PPP1R16B: variants seen among roughly 807,000 people sequenced by gnomAD.
PPP1R16B encodes protein phosphatase 1 regulatory inhibitor subunit 16B.
In PPP1R16B, 14 loss-of-function variants were observed where a neutral mutation model predicts 61.7. The observed-to-expected ratio is 0.23, with a 90% confidence interval of 0.15 to 0.35. The LOEUF is 0.35. PPP1R16B is among the 10% of genes least tolerant of loss of function. The pLI is 1.00. For missense variants in PPP1R16B, 547 were observed against 752.5 expected, an observed-to-expected ratio of 0.73 and a Z score of 3.19; for synonymous variants, 266 against 305.3, an observed-to-expected ratio of 0.87 and a Z score of 1.34.
chr20:38,901,657 G>A (rs937942762), intron 5 of PPP1R16B, among the ~76,000 whole-genome samples: 3 of 152,176 alleles, frequency 2.0e-5, no homozygotes, highest in Non-Finnish European at 4.4e-5. Context: ...TGATCTGCCT[G>A]CCTCAGCCTC....
At chr20:38,912,873 T>G (rs757264786) in intron 10 of PPP1R16B, among the ~76,000 whole-genome samples, 47 of 152,164 alleles carry the variant, frequency 3.1e-4, no homozygotes, top group Non-Finnish European at 5.9e-4. Flanking sequence ...TGTTTTTGTT[T>G]TTTTCCTCTG....
At chr20:38,808,674 G>T (rs568464407) in intron 1 of PPP1R16B, among the ~76,000 whole-genome samples, 1 of 152,244 alleles carries the variant, frequency 6.6e-6, no homozygotes, top group South Asian at 2.1e-4. Flanking sequence ...TGTAAAATAG[G>T]TATCACAGTA....
Position 38,920,032 on chromosome 20 carries a change from C to G in PPP1R16B, c.*1366C>G, listed in dbSNP as rs1488564622. Reference sequence around the variant, plus strand: ...TGGTGATGCCCCAAGTCTGCGAATCCAGGGTGCACGTGGTCAATATCCCCT... The same window carrying G: ...TGGTGATGCCCCAAGTCTGCGAATCGAGGGTGCACGTGGTCAATATCCCCT... On this transcript the variant is annotated 3_prime_UTR_variant, in exon 11 of 11. Transcript: ENST00000299824. The G allele has an allele frequency of 4.6e-5, 7 of 152,300 alleles. No homozygotes were observed. Among genetic ancestry groups the G allele is most frequent in the Non-Finnish European group, 7.3e-5 (5 of 68,094 alleles). 9.4% of individuals were successfully genotyped at this position (152,300 alleles called of 1,614,324 possible).
At chr20:38,851,902 G>A (rs1291457252) in intron 2 of PPP1R16B, among the ~76,000 whole-genome samples, 1 of 152,222 alleles carries the variant, frequency 6.6e-6, no homozygotes, top group African/African-American at 2.4e-5. Context: ...GCATGGTGGT[G>A]TGGGCCTGTA....
At chr20:38,865,446 C>T (rs773847878) in intron 2 of PPP1R16B, among the ~76,000 whole-genome samples, 1 of 152,072 alleles carries the variant, frequency 6.6e-6, no homozygotes, top group African/African-American at 2.4e-5. Context: ...CCCGCCACCA[C>T]GGCCGGCTAA....
At chr20:38,816,715 C>T (rs971499718) in intron 1 of PPP1R16B, among the ~76,000 whole-genome samples, 6 of 152,194 alleles carry the variant, frequency 3.9e-5, no homozygotes, top group African/African-American at 1.4e-4. Context: ...GTGGAATGAA[C>T]CTAACCATTG....
chr20:38,830,477 T>C (rs989779441), intron 1 of PPP1R16B, among the ~76,000 whole-genome samples: 2 of 152,208 alleles, frequency 1.3e-5, no homozygotes, highest in Admixed American at 1.3e-4. Flanking sequence ...TGAAATAGAT[T>C]TGTTTAAAAA....
At chr20:38,911,734 G>A (rs1447529335) in intron 10 of PPP1R16B, among the ~76,000 whole-genome samples, 14 of 151,574 alleles carry the variant, frequency 9.2e-5, no homozygotes, top group African/African-American at 2.4e-4. Flanking sequence ...ATGGGGTTTC[G>A]CCATATTGGC....
chr20:38,912,137 T>C (rs1298414952), intron 10 of PPP1R16B, among the ~76,000 whole-genome samples: 1 of 150,874 alleles, frequency 6.6e-6, no homozygotes, highest in African/African-American at 2.4e-5. Flanking sequence ...TCCGCTCTTG[T>C]TGCCTAGCCT....
At chr20:38,835,752 C>T in intron 1 of PPP1R16B, 73 bp from the exon 2 acceptor site, 2 of 757,204 alleles carry the variant, frequency 2.6e-6, no homozygotes, top group Non-Finnish European at 4.1e-6. Flanking sequence ...GAACACGGGG[C>T]GTTGGGGGAC....
chr20:38,896,115 CCTT>C (rs1568679433), intron 4 of PPP1R16B, among the ~76,000 whole-genome samples: 10 of 98,928 alleles, frequency 1.0e-4, no homozygotes, highest in African/African-American at 2.9e-4. Flanking sequence ...CCCCTCCCTT[CCTT>C]CTTTCTTCCC....
chr20:38,907,062 C>G lies in PPP1R16B; in HGVS notation c.898+8C>G, dbSNP rs368980462. 1.2e-6 allele frequency: 2 copies of G among 1,608,116 alleles called. No individual in the cohort carries two copies. Among genetic ancestry groups the G allele is most frequent in the Non-Finnish European group, 1.7e-6 (2 of 1,174,670 alleles). On this transcript the variant is annotated splice_region_variant and intron_variant, in intron 8 of 10. Coordinates refer to ENST00000299824, the MANE Select transcript of PPP1R16B (RefSeq NM_015568.4). This position sits in a 1 kb window ranked among gnomAD's most constrained non-coding sequence, Gnocchi z 4.5. Reference sequence around the variant, plus strand: ...TGGATGAGATGCCAATAGGTAAGTCCAGCACAATAGCTGGTGTGCACAAAT... The same window carrying G: ...TGGATGAGATGCCAATAGGTAAGTCGAGCACAATAGCTGGTGTGCACAAAT...
intron 1 of PPP1R16B, among the ~76,000 whole-genome samples, chr20:38,808,170 A>G (rs535798102): frequency 6.2e-4 from 95 of 152,096 alleles, no homozygotes; most frequent in Non-Finnish European, 1.1e-3. Context: ...AATCCTCACA[A>G]CCCCGTGAAG....
At chr20:38,877,428 C>T (rs1490053794) in intron 2 of PPP1R16B, among the ~76,000 whole-genome samples, 1 of 152,068 alleles carries the variant, frequency 6.6e-6, no homozygotes, top group African/African-American at 2.4e-5. Flanking sequence ...TCCACCTCAG[C>T]CTCCTGAGTA....
At chr20:38,810,056 A>C (rs969305979) in intron 1 of PPP1R16B, among the ~76,000 whole-genome samples, 5 of 152,094 alleles carry the variant, frequency 3.3e-5, no homozygotes, top group Non-Finnish European at 7.4e-5. Flanking sequence ...GATATTAATA[A>C]GTGCTCACAG....
intron 6 of PPP1R16B, among the ~76,000 whole-genome samples, chr20:38,904,210 G>C (rs1316319565): frequency 6.6e-6 from 1 of 152,256 alleles, no homozygotes; most frequent in Non-Finnish European, 1.5e-5. Flanking sequence ...GTCAAGGCCA[G>C]GCTGCACTAG....
At chr20:38,837,438 G>A (rs1446407427) in intron 2 of PPP1R16B, among the ~76,000 whole-genome samples, 5 of 151,828 alleles carry the variant, frequency 3.3e-5, no homozygotes, top group Non-Finnish European at 5.9e-5. Flanking sequence ...TATAGACAAT[G>A]CTATCTAGGA....
At chr20:38,901,696 C>T (rs1436261315) in intron 5 of PPP1R16B, among the ~76,000 whole-genome samples, 2 of 152,200 alleles carry the variant, frequency 1.3e-5, no homozygotes, top group African/African-American at 4.8e-5. Flanking sequence ...AGGCGTGAAC[C>T]CCCGCGCCCA....
intron 2 of PPP1R16B, chr20:38,838,105 T>C (rs969079159): frequency 6.6e-6 from 1 of 152,238 alleles, no homozygotes; most frequent in Admixed American, 6.5e-5. Flanking sequence ...GTTTGCTTCC[T>C]GTTGTAGGAA....
Sources: allele counts gnomAD v4.1 joint callset (sites outside exome capture counted in the v4.1 genomes callset), GRCh38; gene constraint gnomAD v4.1.1; non-coding constraint Gnocchi (gnomAD v3.1); transcripts MANE v1.5; gene names NCBI Gene and HGNC (gene_info 2026-07-23, HGNC 2026-07-21).